The following WWOX variants were observed in gnomAD, a reference collection of about 807,000 sequenced individuals.
The protein encoded by WWOX is WW domain containing oxidoreductase.
A neutral mutation model predicts 46.2 loss-of-function variants in WWOX; 69 were observed. That is an observed-to-expected ratio of 1.49 (90% CI 1.23 to 1.82). The LOEUF (loss-of-function observed/expected upper bound fraction) is 1.82. WWOX is among the 40% of genes most tolerant of loss of function. The probability of loss-of-function intolerance (pLI) is 0.00; values close to 1 mark genes in which losing one functional copy is unlikely to be tolerated. For synonymous variants in WWOX, 359 were observed against 202.6 expected (o/e 1.77, Z -6.56); for missense variants, 919 against 542.6 (o/e 1.69, Z -6.89).
At chr16:78,631,090 CA>C (rs2046417932) in intron 8 of WWOX, among the ~76,000 whole-genome samples, 1 of 152,074 alleles carries the variant, frequency 6.6e-6, no homozygotes, top group African/African-American at 2.4e-5. Flanking sequence ...TGTACAGGAG[CA>C]TCACATACAT....
chr16:78,686,158 C>A (rs1329608310), intron 8 of WWOX, among the ~76,000 whole-genome samples: 1 of 152,086 alleles, frequency 6.6e-6, no homozygotes, highest in Admixed American at 6.6e-5. Context: ...CCTTCTTTGG[C>A]TATAGGAATC....
At chr16:79,155,586 T>C (rs927414575) in intron 8 of WWOX, among the ~76,000 whole-genome samples, 1 of 152,076 alleles carries the variant, frequency 6.6e-6, no homozygotes. Context: ...CAAGTTGACA[T>C]AGAGAGCCAA....
At chr16:78,559,175 A>G (rs1052806882) in intron 8 of WWOX, among the ~76,000 whole-genome samples, 8 of 152,186 alleles carry the variant, frequency 5.3e-5, no homozygotes, top group African/African-American at 1.9e-4. Flanking sequence ...AAGATTCTAG[A>G]TCTTACCCTG....
At chr16:78,688,993 T>A (rs369025864) in intron 8 of WWOX, among the ~76,000 whole-genome samples, 1 of 152,158 alleles carries the variant, frequency 6.6e-6, no homozygotes, top group Non-Finnish European at 1.5e-5. Context: ...CCACCATGAT[T>A]GTAAGTTTCC....
At chr16:78,605,904 C>T (rs939032119) in intron 8 of WWOX, among the ~76,000 whole-genome samples, 4 of 152,156 alleles carry the variant, frequency 2.6e-5, no homozygotes, top group African/African-American at 9.7e-5. Context: ...GTTCAAATAC[C>T]TCTTGCATGG....
chr16:78,415,005 A>C (rs2082766488), intron 6 of WWOX, among the ~76,000 whole-genome samples: 1 of 151,640 alleles, frequency 6.6e-6, no homozygotes, highest in South Asian at 2.1e-4. Context: ...CTCCATAGGC[A>C]GAGCAGCAAC....
intron 7 of WWOX, among the ~76,000 whole-genome samples, chr16:78,426,732 C>T (rs893893519): frequency 5.3e-5 from 8 of 152,114 alleles, no homozygotes; most frequent in South Asian, 2.1e-4. Context: ...GGCATGATCT[C>T]GGCTCACCAC....
intron 8 of WWOX, among the ~76,000 whole-genome samples, chr16:78,737,987 T>G (rs2049129606): frequency 6.6e-6 from 1 of 152,184 alleles, no homozygotes; most frequent in Non-Finnish European, 1.5e-5. Context: ...AGTCCATGTG[T>G]TTTAACATAG....
chr16:78,401,656 G>C (rs901060129), intron 6 of WWOX, among the ~76,000 whole-genome samples: 1 of 152,064 alleles, frequency 6.6e-6, no homozygotes, highest in Admixed American at 6.6e-5. Flanking sequence ...TCAGAGCCCA[G>C]GGATTTTTTT....
chr16:78,192,029 G>T (rs2035897973), intron 5 of WWOX, among the ~76,000 whole-genome samples: 2 of 152,048 alleles, frequency 1.3e-5, no homozygotes, highest in Non-Finnish European at 2.9e-5. Context: ...AAGTTAGTTA[G>T]CCTCTCTGTG....
At chr16:78,998,910 T>C (rs1405328981) in intron 8 of WWOX, among the ~76,000 whole-genome samples, 1 of 152,212 alleles carries the variant, frequency 6.6e-6, no homozygotes, top group African/African-American at 2.4e-5. Flanking sequence ...TTATTGCCTA[T>C]GCATGTATAA....
intron 8 of WWOX, among the ~76,000 whole-genome samples, chr16:78,500,934 T>A (rs923956269): frequency 3.9e-5 from 6 of 152,166 alleles, no homozygotes; most frequent in Admixed American, 3.9e-4. Context: ...GACGGCCAAG[T>A]GATGCAGGTA....
At chr16:78,861,670 A>G (rs776621427) in intron 8 of WWOX, among the ~76,000 whole-genome samples, 8 of 152,194 alleles carry the variant, frequency 5.3e-5, no homozygotes, top group Admixed American at 1.3e-4. Context: ...CATTTTTCCA[A>G]TCATTCTCTA....
intron 8 of WWOX, among the ~76,000 whole-genome samples, chr16:78,451,207 A>C (rs186779633): frequency 1.3e-3 from 191 of 152,322 alleles, no homozygotes; most frequent in African/African-American, 4.4e-3. Flanking sequence ...CACCTTTGGC[A>C]AGTCCTCCTG....
chr16:78,474,101 TG>T (rs1446753089), intron 8 of WWOX, among the ~76,000 whole-genome samples: 1 of 152,244 alleles, frequency 6.6e-6, no homozygotes, highest in African/African-American at 2.4e-5. Flanking sequence ...CTCTAGGTCT[TG>T]CCTGTTAAGC....
At chr16:79,009,287 G>T (rs2047255575) in intron 8 of WWOX, among the ~76,000 whole-genome samples, 1 of 152,178 alleles carries the variant, frequency 6.6e-6, no homozygotes, top group South Asian at 2.1e-4. Flanking sequence ...CTTTGCAGAT[G>T]AATGAAGGGG....
chr16:78,293,760 G>A (rs1266357565), intron 5 of WWOX, among the ~76,000 whole-genome samples: 1 of 151,888 alleles, frequency 6.6e-6, no homozygotes, highest in Non-Finnish European at 1.5e-5. Flanking sequence ...GGCAGATCAC[G>A]AGGTCAGGAG....
At chr16:78,826,890 G>A (rs997397124) in intron 8 of WWOX, among the ~76,000 whole-genome samples, 1 of 152,168 alleles carries the variant, frequency 6.6e-6, no homozygotes, top group South Asian at 2.1e-4. Context: ...TTCCCTGTAA[G>A]TGGAAGTGGT....
chr16:79,147,471 T>C (rs1418330316), intron 8 of WWOX, among the ~76,000 whole-genome samples: 2 of 152,232 alleles, frequency 1.3e-5, no homozygotes, highest in African/African-American at 4.8e-5. Flanking sequence ...CATGGTATTG[T>C]ACATATAAGT....
Sources: allele counts gnomAD v4.1 joint callset (sites outside exome capture counted in the v4.1 genomes callset), GRCh38; gene constraint gnomAD v4.1.1; transcripts MANE v1.5; gene names NCBI Gene and HGNC (gene_info 2026-07-23, HGNC 2026-07-21).